RBFOX3: variants seen among roughly 807,000 people sequenced by gnomAD.
RBFOX3 encodes RNA binding protein fox-1 homolog 3.
RBFOX3 carries 17 observed loss-of-function variants against 48.7 expected under a neutral mutation model. That is an observed-to-expected ratio of 0.35 (90% CI 0.24 to 0.52). The LOEUF (loss-of-function observed/expected upper bound fraction) is 0.52, where lower values mean the gene tolerates loss of function less well. Ranked by LOEUF, RBFOX3 falls within the 20% of genes least tolerant of loss-of-function variation. The probability of loss-of-function intolerance (pLI) is 0.94; values close to 1 mark genes in which losing one functional copy is unlikely to be tolerated. For missense variants in RBFOX3, 382 were observed against 497.5 expected (o/e 0.77, Z 2.21); for synonymous variants, 212 against 209.5 (o/e 1.01, Z -0.10).
In RBFOX3 at chr17:79,364,657, G is replaced by C. The variant is rs1279056125; in HGVS notation, c.-174-56833C>G. ...GGAGCGGGCGTGAGCAGGTCGGATA[G>C]CCTGCTGTTTGCTTTCTGGTGGGGA... is the stretch of plus-strand genomic sequence containing the variant. On this transcript the variant is annotated intron_variant, in intron 2 of 14. Coordinates refer to ENST00000693108, the MANE Select transcript of RBFOX3 (RefSeq NM_001350451.2). The surrounding 1 kb of genome is among the most constrained non-coding windows in gnomAD (Gnocchi z 5.1). Among the ~76,000 whole-genome samples the C allele has an allele frequency of 1.3e-5, 2 of 152,198 alleles. 1 individual carries two copies. The highest frequency in any genetic ancestry group is 1.3e-4 in the Admixed American group (2 of 15,284).
intron 2 of RBFOX3, among the ~76,000 whole-genome samples, chr17:79,336,694 G>A (rs1240680692): frequency 1.3e-5 from 2 of 152,194 alleles, no homozygotes; most frequent in African/African-American, 4.8e-5. Context: ...AGCTCATTCA[G>A]GGGGATCACA....
chr17:79,478,447 G>A lies in RBFOX3; in HGVS notation c.-175+4007C>T, dbSNP rs370980322. On this transcript the variant is annotated intron_variant, in intron 2 of 14. Transcript: ENST00000693108. ...TCACACTCAGCCCCATGGCATGCGC[G>A]GCAGCACCCGCTCCCATCTCATGCT... 8.3e-4 allele frequency among the ~76,000 whole-genome samples: 127 copies of A among 152,246 alleles called. 1 individual carries two copies. The highest frequency in any genetic ancestry group is 2.7e-3 in the African/African-American group (111 of 41,544).
chr17:79,476,542 A>G (rs1208945904), intron 2 of RBFOX3, among the ~76,000 whole-genome samples: 1 of 152,152 alleles, frequency 6.6e-6, no homozygotes, highest in African/African-American at 2.4e-5. Flanking sequence ...TTGGAGGCAA[A>G]CCCCACGCCA....
intron 2 of RBFOX3, among the ~76,000 whole-genome samples, chr17:79,347,641 T>C (rs74782474): frequency 0.011 from 1,645 of 152,318 alleles, 26 homozygotes; most frequent in African/African-American, 0.037. Context: ...ATTCTAGTAC[T>C]TTTCTCCTGT....
At chr17:79,172,735 G>C (rs980674695) in intron 4 of RBFOX3, among the ~76,000 whole-genome samples, 2 of 151,890 alleles carry the variant, frequency 1.3e-5, no homozygotes, top group African/African-American at 4.8e-5. Flanking sequence ...TGTCTCAACA[G>C]AGATATTCTG....
intron 2 of RBFOX3, among the ~76,000 whole-genome samples, chr17:79,435,379 C>G (rs1844523051): frequency 6.6e-6 from 1 of 152,208 alleles, no homozygotes; most frequent in Admixed American, 6.5e-5. Flanking sequence ...GAGTGTCCCC[C>G]ACATGTGGCT....
intron 2 of RBFOX3, among the ~76,000 whole-genome samples, chr17:79,419,891 C>A (rs919760328): frequency 6.6e-6 from 1 of 152,216 alleles, no homozygotes; most frequent in South Asian, 2.1e-4. Flanking sequence ...CTTTGGGAGG[C>A]CGAGGCAGGC....
chr17:79,541,156 C>A (rs1268157480), intron 1 of RBFOX3, among the ~76,000 whole-genome samples: 1 of 152,080 alleles, frequency 6.6e-6, no homozygotes, highest in Non-Finnish European at 1.5e-5. Context: ...CAAGCCACAG[C>A]CTTTCAATTC....
At chr17:79,175,877 G>A (rs1403407973) in intron 4 of RBFOX3, among the ~76,000 whole-genome samples, 1 of 152,224 alleles carries the variant, frequency 6.6e-6, no homozygotes, top group Non-Finnish European at 1.5e-5. Flanking sequence ...CTTAGACACA[G>A]ACGCCCCGGC....
At chr17:79,145,559 A>G (rs1008214689) in intron 4 of RBFOX3, among the ~76,000 whole-genome samples, 9 of 152,296 alleles carry the variant, frequency 5.9e-5, no homozygotes, top group African/African-American at 2.2e-4. Flanking sequence ...GTCGGCTCTG[A>G]GAGGGGGCCC....
chr17:79,094,786 G>T (rs1015313270), intron 13 of RBFOX3, among the ~76,000 whole-genome samples: 2 of 150,696 alleles, frequency 1.3e-5, no homozygotes, highest in Non-Finnish European at 3.0e-5. Flanking sequence ...TGGGGGGAGG[G>T]GGTGTGTTCC....
intron 1 of RBFOX3, among the ~76,000 whole-genome samples, chr17:79,578,261 G>A (rs981040804): frequency 1.3e-5 from 2 of 152,266 alleles, no homozygotes; most frequent in African/African-American, 4.8e-5. Flanking sequence ...ACCCGCTCTG[G>A]GGAGCATCAG....
At chr17:79,324,451 G>C (rs1390160327) in intron 2 of RBFOX3, among the ~76,000 whole-genome samples, 2 of 152,052 alleles carry the variant, frequency 1.3e-5, no homozygotes, top group African/African-American at 4.8e-5. Flanking sequence ...GGGCTAGTGA[G>C]GAGTCACAGT....
intron 4 of RBFOX3, among the ~76,000 whole-genome samples, chr17:79,135,373 C>A (rs2039951570): frequency 6.6e-6 from 1 of 152,192 alleles, no homozygotes; most frequent in Non-Finnish European, 1.5e-5. Context: ...CTTGCTGCCC[C>A]AGCCATTAGC....
intron 2 of RBFOX3, among the ~76,000 whole-genome samples, chr17:79,420,951 C>T (rs544266517): frequency 1.6e-4 from 24 of 152,310 alleles, no homozygotes; most frequent in South Asian, 4.1e-4. Context: ...CCTCCCAAGC[C>T]GCCATGATGA....
chr17:79,387,399 G>A (rs116012271), intron 2 of RBFOX3, among the ~76,000 whole-genome samples: 4,337 of 152,284 alleles, frequency 0.028, 197 homozygotes, highest in African/African-American at 0.098. Flanking sequence ...ACACTCTGGG[G>A]AACACTCATC....
intron 9 of RBFOX3, chr17:79,098,020 G>A (rs2075719970): frequency 4.3e-6 from 2 of 465,464 alleles, no homozygotes; most frequent in East Asian, 3.5e-5. Flanking sequence ...CCTCACCCCT[G>A]GGCGTCATCC....
chr17:79,116,056 A>C (rs1016445752), intron 4 of RBFOX3, among the ~76,000 whole-genome samples: 11 of 152,244 alleles, frequency 7.2e-5, no homozygotes, highest in African/African-American at 2.4e-4. Context: ...TTTTAAAAAA[A>C]TTAACCATTT....
intron 1 of RBFOX3, among the ~76,000 whole-genome samples, chr17:79,544,984 A>C (rs1321221770): frequency 2.0e-5 from 3 of 151,108 alleles, no homozygotes; most frequent in African/African-American, 7.3e-5. Context: ...GCAAAAAAAA[A>C]AAAAAAAAAA....
Sources: gnomAD v4.1 joint callset for allele counts (sites outside exome capture counted in the v4.1 genomes callset) on GRCh38, gnomAD v4.1.1 for gene constraint, Gnocchi (gnomAD v3.1) non-coding constraint, MANE v1.5 for transcripts, NCBI Gene and HGNC (gene_info 2026-07-23, HGNC 2026-07-21) for gene names.